The following MYO5B variants were observed in gnomAD, a reference collection of about 807,000 sequenced individuals.
MYO5B encodes the protein myosin VB.
In MYO5B, 143 loss-of-function variants were observed where a neutral mutation model predicts 229.3. The observed-to-expected ratio is 0.62, with a 90% CI of 0.54 to 0.72. MYO5B has a LOEUF of 0.72. MYO5B is among the 30% of genes least tolerant of loss of function. The probability of loss-of-function intolerance (pLI) is 0.00; values close to 1 mark genes in which losing one functional copy is unlikely to be tolerated. For synonymous variants in MYO5B, 918 were observed against 885.2 expected (o/e 1.04, Z -0.66); for missense variants, 2,321 against 2,331.0 (o/e 1.00, Z 0.09).
rs371379656 is a variant in MYO5B at position 49,857,009 on chromosome 18, C to T, written c.3945-119G>A. ...GTTTGGAAACGAAAAAAAGGCAAGG[C>T]TCAAGAACTCCCATTTTCCCTTCCT... On this transcript the variant is annotated intron_variant, in intron 29 of 39. Transcript: ENST00000285039. 279 of 805,316 alleles carry T rather than the reference C, an allele frequency of 3.5e-4. 4 individuals are homozygous for T. The East Asian group carries it at 5.6e-3, about 16-fold the overall frequency. The allele number at this position is 805,316 out of a possible 1,614,324, so 49.9% of individuals were successfully genotyped here.
rs1217632 is a variant in MYO5B at position 49,880,543 on chromosome 18, A to G, written c.3046-88T>C. The G allele has an allele frequency of 0.61, 608,707 of 1,002,514 alleles. 185,905 individuals are homozygous for G. The highest frequency in any genetic ancestry group is 0.65 in the Middle Eastern group (3,207 of 4,910). The allele number at this position is 1,002,514 out of a possible 1,614,324, so 62.1% of individuals were successfully genotyped here. On this transcript the variant is annotated intron_variant, in intron 22 of 39. Transcript: ENST00000285039. ...TGGGATTTGAATTTTAACTGGATAC[A>G]TGTAAATGCTCTTTTTAAGAAAATT...
At chr18:49,954,791 C>T (rs908921439) in intron 12 of MYO5B, among the ~76,000 whole-genome samples, 4 of 152,190 alleles carry the variant, frequency 2.6e-5, no homozygotes, top group Admixed American at 2.6e-4. Context: ...GGGGCTGTGA[C>T]ATCAGCATCA....
chr18:50,013,148 G>A (rs1318669885), intron 4 of MYO5B, among the ~76,000 whole-genome samples: 2 of 152,126 alleles, frequency 1.3e-5, no homozygotes, highest in Admixed American at 6.5e-5. Context: ...AGACAGACTC[G>A]CTTTAGTGGG....
intron 17 of MYO5B, among the ~76,000 whole-genome samples, chr18:49,918,077 C>T (rs1598881860): frequency 6.6e-6 from 1 of 152,184 alleles, no homozygotes; most frequent in African/African-American, 2.4e-5. Context: ...GGAGTGGTAA[C>T]ACGGCTGCTA....
Position 49,953,241 on chromosome 18 carries a change from C to T in MYO5B, c.1752+19G>A. On this transcript the variant is annotated intron_variant, in intron 14 of 39. Transcript: ENST00000285039. ...CCGTGGGCATTCCTGCTCCACTCCC[C>T]ACTTCTGACACTCTTTACCTTGCTG... 6.2e-7 allele frequency: 1 copy of T among 1,611,070 alleles called. No individual in the cohort carries two copies. The highest frequency in any genetic ancestry group is 1.1e-5 in the South Asian group (1 of 91,010).
chr18:50,069,233 T>C (rs1317223207), intron 1 of MYO5B, among the ~76,000 whole-genome samples: 1 of 152,118 alleles, frequency 6.6e-6, no homozygotes, highest in Non-Finnish European at 1.5e-5. Flanking sequence ...TATTGGCCAT[T>C]CCCTCTCCTG....
At position 49,929,526 on chromosome 18, in the gene MYO5B, A is replaced by G. The variant is rs200559863; in HGVS notation, c.2076T>C (p.Ala692=). The part of the protein sequence containing the change: ...GVLETIRISA[A]GYPSRWAYHD... The stretch of plus-strand genomic sequence containing the variant: ...ACGTTAGTTACCTGGATGGGTAGCC[A>G]GCTGCACTGATTCGAATCGTCTCCA... Residue 692 remains alanine (A), a synonymous_variant, in exon 17 of 40, where the codon GCT becomes GCC. Coordinates refer to ENST00000285039, the MANE Select transcript of MYO5B (RefSeq NM_001080467.3). The G allele has an allele frequency of 6.4e-3, 10,315 of 1,608,236 alleles. 38 individuals are homozygous for G. The highest frequency in any genetic ancestry group is 8.7e-3 in the Middle Eastern group (39 of 4,480).
chr18:49,939,449 G>T (rs1049510434), intron 14 of MYO5B, among the ~76,000 whole-genome samples: 1 of 152,156 alleles, frequency 6.6e-6, no homozygotes, highest in Non-Finnish European at 1.5e-5. Context: ...CGGCCTACAT[G>T]AATGATCTTT....
intron 27 of MYO5B, among the ~76,000 whole-genome samples, chr18:49,867,133 C>T (rs2024405741): frequency 6.6e-6 from 1 of 152,068 alleles, no homozygotes; most frequent in Non-Finnish European, 1.5e-5. Flanking sequence ...GAAGGGTTTC[C>T]CTGGTTTGCA....
intron 22 of MYO5B, among the ~76,000 whole-genome samples, chr18:49,888,324 T>C: frequency 6.6e-6 from 1 of 152,068 alleles, no homozygotes; most frequent in East Asian, 1.9e-4. Flanking sequence ...CGTCCCCTAA[T>C]GGCAAAATCA....
intron 4 of MYO5B, among the ~76,000 whole-genome samples, chr18:50,003,773 A>G (rs892543357): frequency 2.6e-5 from 4 of 152,240 alleles, no homozygotes; most frequent in Non-Finnish European, 5.9e-5. Context: ...ATAAATGGAT[A>G]AGTTTAGAAT....
intron 1 of MYO5B, among the ~76,000 whole-genome samples, chr18:50,164,798 TG>T (rs1347169569): frequency 1.3e-5 from 2 of 152,222 alleles, no homozygotes; most frequent in African/African-American, 2.4e-5. Flanking sequence ...TGTGTCAGTA[TG>T]TTCTCATTGT....
rs1339793022 is a variant in MYO5B at position 50,099,979 on chromosome 18, T to A, written c.28-44601A>T. Among the ~76,000 whole-genome samples the A allele has an allele frequency of 3.3e-5, 5 of 152,268 alleles. No homozygotes were observed. The South Asian group carries it at 8.3e-4, about 25-fold the overall frequency. ...GGCTCCACAGTCTACACACAGATTCTCAGTGTCCTAAAGCAACCTTCAGAG... is the reference window on the plus strand; with the variant it reads ...GGCTCCACAGTCTACACACAGATTCACAGTGTCCTAAAGCAACCTTCAGAG... On this transcript the variant is annotated intron_variant, in intron 1 of 39. Transcript: ENST00000285039.
At chr18:50,016,798 A>G (rs2026220237) in intron 4 of MYO5B, among the ~76,000 whole-genome samples, 1 of 151,648 alleles carries the variant, frequency 6.6e-6, no homozygotes, top group Non-Finnish European at 1.5e-5. Flanking sequence ...GTTGCTTCTC[A>G]TTGCCTACCA....
intron 1 of MYO5B, among the ~76,000 whole-genome samples, chr18:50,105,923 A>G (rs2031751347): frequency 6.6e-6 from 1 of 152,052 alleles, no homozygotes; most frequent in Non-Finnish European, 1.5e-5. Flanking sequence ...AGACTCACAT[A>G]AACACATAAA....
intron 4 of MYO5B, among the ~76,000 whole-genome samples, chr18:50,005,009 G>C (rs1444119447): frequency 6.6e-6 from 1 of 152,192 alleles, no homozygotes; most frequent in African/African-American, 2.4e-5. Context: ...AGTTCAGTCT[G>C]TTAGAACTCT....
intron 27 of MYO5B, chr18:49,871,757 T>A: frequency 3.4e-6 from 1 of 297,794 alleles, no homozygotes; most frequent in Non-Finnish European, 6.5e-6. Flanking sequence ...GGGGTGGGCC[T>A]GTTCGGAAGC....
At position 50,104,265 on chromosome 18, in the gene MYO5B, G is replaced by GATATATATATAT. The variant is rs3075606; in HGVS notation, c.28-48899_28-48888dup. ...TTAAGATTCCTGGGGATCTATACAT[G>GATATATATATAT]ATATATATATATATATATATATATA... On this transcript the variant is annotated intron_variant, in intron 1 of 39. Transcript: ENST00000285039. Among the ~76,000 whole-genome samples the GATATATATATAT allele has an allele frequency of 2.8e-3, 378 of 134,514 alleles. 1 individual carries two copies. Among genetic ancestry groups the GATATATATATAT allele is most frequent in the Admixed American group, 6.9e-3 (92 of 13,260 alleles). 88.2% of individuals were successfully genotyped at this position (134,514 alleles called of 152,430 possible). A position where few individuals can be genotyped will look rare whatever the true frequency, so the allele number is the denominator to read the frequency against.
At chr18:50,174,604 C>T (rs893753813) in intron 1 of MYO5B, among the ~76,000 whole-genome samples, 8 of 152,090 alleles carry the variant, frequency 5.3e-5, no homozygotes, top group East Asian at 1.9e-4. Flanking sequence ...CAATATAAGA[C>T]GACACTGCTG....
Sources: allele counts gnomAD v4.1 joint callset (sites outside exome capture counted in the v4.1 genomes callset), GRCh38; gene constraint gnomAD v4.1.1; transcripts MANE v1.5; gene names NCBI Gene and HGNC (gene_info 2026-07-23, HGNC 2026-07-21).